TNR: variants seen among roughly 807,000 people sequenced by gnomAD.
TNR encodes the protein tenascin R, also known as tenascin-R.
TNR carries 45 observed loss-of-function variants against 150.4 expected under a neutral mutation model. The observed-to-expected ratio is 0.30, with a 90% CI of 0.24 to 0.38. TNR has a LOEUF of 0.38. Among genes scored for constraint, TNR ranks in the 10% least tolerant of loss-of-function variants. The pLI is 1.00. For missense variants in TNR, 1,544 were observed against 1,759.1 expected, an observed-to-expected ratio of 0.88 and a Z score of 2.19; for synonymous variants, 687 against 678.4, an observed-to-expected ratio of 1.01 and a Z score of -0.20.
At chr1:175,531,103 C>T (rs1660050546) in intron 1 of TNR, among the ~76,000 whole-genome samples, 1 of 152,166 alleles carries the variant, frequency 6.6e-6, no homozygotes, top group African/African-American at 2.4e-5. Context: ...GTATTCCAGT[C>T]CTATCCTCTT....
intron 1 of TNR, among the ~76,000 whole-genome samples, chr1:175,543,973 C>A (rs551720767): frequency 2.1e-4 from 32 of 152,130 alleles, no homozygotes; most frequent in African/African-American, 7.0e-4. Context: ...AAATGAGAAA[C>A]CTCATGGGGC....
intron 18 of TNR, among the ~76,000 whole-genome samples, chr1:175,347,015 G>GA: frequency 6.6e-6 from 1 of 151,976 alleles, no homozygotes; most frequent in Middle Eastern, 3.4e-3. Flanking sequence ...GTATACACAA[G>GA]AAAAAAATAT....
intron 1 of TNR, among the ~76,000 whole-genome samples, chr1:175,637,044 G>C (rs1664509864): frequency 6.6e-6 from 1 of 152,168 alleles, no homozygotes; most frequent in Non-Finnish European, 1.5e-5. Flanking sequence ...GTTGGGATTT[G>C]TCCTGGTTTT....
intron 2 of TNR, among the ~76,000 whole-genome samples, chr1:175,440,317 T>C (rs995963552): frequency 6.7e-6 from 1 of 148,650 alleles, no homozygotes; most frequent in African/African-American, 2.5e-5. Context: ...TAGGTGGGAA[T>C]TGAACAATGA....
chr1:175,637,172 C>G (rs1207236901), intron 1 of TNR, among the ~76,000 whole-genome samples: 2 of 152,166 alleles, frequency 1.3e-5, no homozygotes, highest in African/African-American at 4.8e-5. Flanking sequence ...GCTCTCTGGG[C>G]TTGCCTTTTG....
At chr1:175,591,891 AT>A (rs1197143824) in intron 1 of TNR, among the ~76,000 whole-genome samples, 1 of 152,256 alleles carries the variant, frequency 6.6e-6, no homozygotes, top group African/African-American at 2.4e-5. Context: ...AATTCACCAC[AT>A]TCCTTTCCCC....
chr1:175,571,324 A>T (rs2102219768), intron 1 of TNR, among the ~76,000 whole-genome samples: 1 of 152,252 alleles, frequency 6.6e-6, no homozygotes, highest in South Asian at 2.1e-4. Context: ...ATATAATTCT[A>T]TAGTTGATGT....
intron 1 of TNR, among the ~76,000 whole-genome samples, chr1:175,740,436 A>T (rs970924664): frequency 2.7e-5 from 4 of 146,154 alleles, no homozygotes; most frequent in African/African-American, 9.8e-5. Context: ...CATTTTTTTC[A>T]ACAAAAAAAA....
chr1:175,443,096 C>T (rs946250767), intron 2 of TNR, among the ~76,000 whole-genome samples: 3 of 152,156 alleles, frequency 2.0e-5, no homozygotes, highest in African/African-American at 7.2e-5. Context: ...ATATTACATA[C>T]ATTAATAAAG....
intron 1 of TNR, among the ~76,000 whole-genome samples, chr1:175,537,500 C>G (rs972950332): frequency 2.3e-4 from 35 of 152,170 alleles, no homozygotes; most frequent in Non-Finnish European, 7.3e-5. Flanking sequence ...TTCAAGGTAG[C>G]CAGTTCCCAC....
chr1:175,373,974 C>T (rs370546415), intron 9 of TNR, among the ~76,000 whole-genome samples: 24 of 152,284 alleles, frequency 1.6e-4, no homozygotes, highest in African/African-American at 5.8e-4. Flanking sequence ...GGTGCCTTAC[C>T]AAAGTGACCA....
intron 1 of TNR, among the ~76,000 whole-genome samples, chr1:175,560,390 C>T (rs1661376396): frequency 6.6e-6 from 1 of 152,248 alleles, no homozygotes; most frequent in African/African-American, 2.4e-5. Flanking sequence ...ATGTAATCAG[C>T]TGCCTGCGCA....
rs1663225179 is a variant in TNR at position 175,601,277 on chromosome 1, G to A, written c.-164-72908C>T. On this transcript the variant is annotated intron_variant, in intron 1 of 22. Coordinates refer to ENST00000367674, the MANE Select transcript of TNR (RefSeq NM_003285.3). Reference sequence around the variant, plus strand: ...ACTTGGCCAGTTCTTACTCAGAGATGCGGCCCTGAGGCGCTGAAAAAGCCG... The same window carrying A: ...ACTTGGCCAGTTCTTACTCAGAGATACGGCCCTGAGGCGCTGAAAAAGCCG... Among the ~76,000 whole-genome samples, 3 of 152,360 alleles carry A rather than the reference G, an allele frequency of 2.0e-5. No homozygotes were observed. The South Asian group carries it at 6.2e-4, about 32-fold the overall frequency.
intron 2 of TNR, among the ~76,000 whole-genome samples, chr1:175,519,211 A>G (rs1659534192): frequency 6.6e-6 from 1 of 152,230 alleles, no homozygotes; most frequent in South Asian, 2.1e-4. Context: ...TAAGAATTCT[A>G]ACTACCAATG....
chr1:175,327,772 T>C (rs1433484282), intron 21 of TNR, among the ~76,000 whole-genome samples: 1 of 152,064 alleles, frequency 6.6e-6, no homozygotes, highest in Non-Finnish European at 1.5e-5. Context: ...TATGATGCCG[T>C]CCTCCACCAC....
At chr1:175,510,001 C>A (rs556663095) in intron 2 of TNR, among the ~76,000 whole-genome samples, 6 of 152,104 alleles carry the variant, frequency 3.9e-5, no homozygotes, top group African/African-American at 1.4e-4. Context: ...ATGAGGCGGG[C>A]AGATTGCTTG....
chr1:175,563,038 G>GC (rs1270407832), intron 1 of TNR, among the ~76,000 whole-genome samples: 1 of 152,236 alleles, frequency 6.6e-6, no homozygotes, highest in African/African-American at 2.4e-5. Flanking sequence ...TGCAGAGTCA[G>GC]CCAAGCAAGG....
At chr1:175,571,219 C>G (rs896713855) in intron 1 of TNR, among the ~76,000 whole-genome samples, 12 of 152,212 alleles carry the variant, frequency 7.9e-5, no homozygotes, top group African/African-American at 2.9e-4. Flanking sequence ...TTAGAATGTT[C>G]ACTTTGTCAT....
At chr1:175,471,123 A>G (rs891852819) in intron 2 of TNR, among the ~76,000 whole-genome samples, 1 of 152,240 alleles carries the variant, frequency 6.6e-6, no homozygotes, top group South Asian at 2.1e-4. Context: ...ATACACCGCA[A>G]TTAGTAAAAC....
Sources: gnomAD v4.1 joint callset for allele counts (sites outside exome capture counted in the v4.1 genomes callset) on GRCh38, gnomAD v4.1.1 for gene constraint, MANE v1.5 for transcripts, NCBI Gene and HGNC (gene_info 2026-07-23, HGNC 2026-07-21) for gene names.